DDX10: variants seen among roughly 807,000 people sequenced by gnomAD.
DDX10 encodes the protein DEAD-box helicase 10.
DDX10 carries 74 observed loss-of-function variants against 104.3 expected under a neutral mutation model. The observed-to-expected ratio is 0.71, with a 90% CI of 0.59 to 0.86. The LOEUF is 0.86. DDX10 is among the 40% of genes least tolerant of loss of function. The pLI, the probability that DDX10 is intolerant of heterozygous loss-of-function variation, is 0.00. For missense variants in DDX10, 952 were observed against 1,040.0 expected (o/e 0.92, Z 1.16); for synonymous variants, 351 against 353.4 (o/e 0.99, Z 0.08).
chr11:108,819,428 A>G (rs1862296164), intron 13 of DDX10, among the ~76,000 whole-genome samples: 1 of 152,164 alleles, frequency 6.6e-6, no homozygotes, highest in South Asian at 2.1e-4. Context: ...TAAATTGCCT[A>G]TTTCATTTGG....
intron 13 of DDX10, among the ~76,000 whole-genome samples, chr11:108,811,899 G>GC (rs926871445): frequency 7.0e-6 from 1 of 142,948 alleles, no homozygotes; most frequent in Non-Finnish European, 1.5e-5. Flanking sequence ...ATATGGGGGG[G>GC]GGAAGAGAGC....
chr11:108,688,326 A>G (rs10890883), intron 6 of DDX10, among the ~76,000 whole-genome samples: 71,253 of 152,050 alleles, frequency 0.47, 19,711 homozygotes, highest in Non-Finnish European at 0.61. Flanking sequence ...GACTTCTACC[A>G]TAAATACCTT....
chr11:108,865,970 G>T (rs531167926), intron 16 of DDX10, among the ~76,000 whole-genome samples: 1 of 152,238 alleles, frequency 6.6e-6, no homozygotes, highest in South Asian at 2.1e-4. Flanking sequence ...TCCATGTGTC[G>T]GGTAGTATTC....
At chr11:108,829,101 G>C (rs1317355264) in intron 13 of DDX10, among the ~76,000 whole-genome samples, 1 of 152,194 alleles carries the variant, frequency 6.6e-6, no homozygotes, top group African/African-American at 2.4e-5. Flanking sequence ...CCTCTGGGTA[G>C]ATACCTAATA....
rs183204657 is a variant in DDX10, at chr11:108,782,731, T to G, written c.1966-55715T>G. On this transcript the variant is annotated intron_variant, in intron 13 of 17. Transcript: ENST00000322536. ...ACCAAATGACTAACCAGTAGTAAGC[T>G]TCAATCAAATCAAGAGTATTTAGAG... 3.2e-4 allele frequency among the ~76,000 whole-genome samples: 48 copies of G among 152,212 alleles called. 1 individual carries two copies. Among genetic ancestry groups the G allele is most frequent in the African/African-American group, 1.1e-3 (47 of 41,526 alleles).
chr11:108,756,244 C>T (rs1307479423), intron 13 of DDX10, among the ~76,000 whole-genome samples: 1 of 151,998 alleles, frequency 6.6e-6, no homozygotes, highest in Admixed American at 6.6e-5. Flanking sequence ...TGAAATTCAA[C>T]TTGAGGTTGT....
At chr11:108,729,234 C>A (rs1363587488) in intron 13 of DDX10, among the ~76,000 whole-genome samples, 1 of 152,078 alleles carries the variant, frequency 6.6e-6, no homozygotes, top group Non-Finnish European at 1.5e-5. Context: ...TCTAAGAGGG[C>A]CCCAGTGACA....
intron 16 of DDX10, among the ~76,000 whole-genome samples, chr11:108,881,816 G>A (rs1436339375): frequency 6.6e-6 from 1 of 152,128 alleles, no homozygotes; most frequent in East Asian, 1.9e-4. Flanking sequence ...AAGTCAAGGA[G>A]TATCTGTATA....
In DDX10 at chr11:108,871,149, AT is replaced by A. The variant is rs923587675; in HGVS notation, c.2304+18950del. Among the ~76,000 whole-genome samples, 13 of 149,716 alleles carry A rather than the reference AT, an allele frequency of 8.7e-5. 1 individual carries two copies. In the East Asian group the frequency reaches 1.4e-3, roughly 16 times the overall value. On this transcript the variant is annotated intron_variant, in intron 16 of 17. Transcript: ENST00000322536. ...TCCAAGTTCATATGTAAACTGGAGC[AT>A]TTTTTTTTTCTCCATAGAAAAGATG...
chr11:108,865,318 T>C (rs2134618272), intron 16 of DDX10, among the ~76,000 whole-genome samples: 1 of 152,298 alleles, frequency 6.6e-6, no homozygotes, highest in East Asian at 1.9e-4. Flanking sequence ...CAGGACTATA[T>C]ATCCTGTGGG....
In DDX10 at chr11:108,762,296, C is replaced by A. The variant is rs551297634; in HGVS notation, c.1965+38834C>A. On this transcript the variant is annotated intron_variant, in intron 13 of 17. Coordinates refer to ENST00000322536, the MANE Select transcript of DDX10 (RefSeq NM_004398.4). ...TATTTGAGGAAATTGGCAGTTATTCCTCTTGGAGTTACTTTCCCACTTAGG... is the reference window on the plus strand; with the variant it reads ...TATTTGAGGAAATTGGCAGTTATTCATCTTGGAGTTACTTTCCCACTTAGG... 4.6e-5 allele frequency among the ~76,000 whole-genome samples: 7 copies of A among 152,282 alleles called. No homozygotes were observed. In the South Asian group the frequency reaches 1.2e-3, roughly 27 times the overall value.
intron 13 of DDX10, among the ~76,000 whole-genome samples, chr11:108,732,920 T>C (rs1419638690): frequency 6.6e-6 from 1 of 152,206 alleles, no homozygotes. Context: ...ATGCTTTCTT[T>C]TCTTTTTCAG....
At chr11:108,912,919 TCTCTTATCTAC>T (rs1358213991) in intron 16 of DDX10, among the ~76,000 whole-genome samples, 6 of 152,124 alleles carry the variant, frequency 3.9e-5, no homozygotes, top group Non-Finnish European at 7.4e-5. Context: ...CAATTGTTTG[TCTCTTATCTAC>T]CTATGACCTG....
At position 108,852,160 on chromosome 11, in the gene DDX10, G is replaced by T; in HGVS notation, c.2255G>T (p.Arg752Ile). ...KKIKAKHREK[R>I]LKEREARREA... ...CCTCTTCCTTGTCTCCAGGAGAAAA[G>T]ACTGAAAGAAAGGGAAGCCAGAAGA... is the stretch of plus-strand genomic sequence containing the variant. The change falls in exon 16 of 18, where the codon AGA (arginine) becomes ATA (isoleucine). Residue 752 changes from arginine (R) to isoleucine (I), a missense_variant. Coordinates refer to ENST00000322536, the MANE Select transcript of DDX10 (RefSeq NM_004398.4). 1 of 1,610,504 alleles carries T rather than the reference G, an allele frequency of 6.2e-7. No homozygotes were observed. The highest frequency in any genetic ancestry group is 8.5e-7 in the Non-Finnish European group (1 of 1,177,852).
At chr11:108,826,341 G>A (rs1344049428) in intron 13 of DDX10, among the ~76,000 whole-genome samples, 1 of 152,030 alleles carries the variant, frequency 6.6e-6, no homozygotes, top group Non-Finnish European at 1.5e-5. Flanking sequence ...ACATAGTTCC[G>A]TTACAATTAA....
At chr11:108,722,941 C>T in intron 12 of DDX10, 56 bp from the exon 13 acceptor site, 2 of 1,521,140 alleles carry the variant, frequency 1.3e-6, no homozygotes, top group Non-Finnish European at 1.8e-6. Flanking sequence ...TCTATGACAC[C>T]TATAAACATA....
At chr11:108,864,922 G>C (rs563514327) in intron 16 of DDX10, among the ~76,000 whole-genome samples, 3 of 152,178 alleles carry the variant, frequency 2.0e-5, no homozygotes, top group African/African-American at 7.2e-5. Flanking sequence ...TTGTCTTTCA[G>C]TGTGCCTGAT....
At chr11:108,835,423 A>C (rs1406306987) in intron 13 of DDX10, among the ~76,000 whole-genome samples, 1 of 152,170 alleles carries the variant, frequency 6.6e-6, no homozygotes, top group African/African-American at 2.4e-5. Flanking sequence ...TCTAAAACTT[A>C]ATCTGTTGTC....
At chr11:108,901,655 T>C (rs1188764742) in intron 16 of DDX10, among the ~76,000 whole-genome samples, 1 of 152,198 alleles carries the variant, frequency 6.6e-6, no homozygotes, top group Non-Finnish European at 1.5e-5. Flanking sequence ...GTCTTAAATA[T>C]TTTACTTGCT....
Sources: allele counts gnomAD v4.1 joint callset (sites outside exome capture counted in the v4.1 genomes callset), GRCh38; gene constraint gnomAD v4.1.1; transcripts MANE v1.5; gene names NCBI Gene and HGNC (gene_info 2026-07-23, HGNC 2026-07-21).